FREM3: variants seen among roughly 807,000 people sequenced by gnomAD.
The protein encoded by FREM3 is FRAS1 related extracellular matrix 3.
A neutral mutation model predicts 129.1 loss-of-function variants in FREM3; 105 were observed. The observed-to-expected ratio is 0.81, with a 90% CI of 0.69 to 0.96. The LOEUF (loss-of-function observed/expected upper bound fraction) is 0.96. Among genes scored for constraint, FREM3 ranks in the 40% least tolerant of loss-of-function variants. The pLI is 0.00. For synonymous variants in FREM3, 1,014 were observed against 1,044.9 expected (o/e 0.97, Z 0.57); for missense variants, 2,593 against 2,666.3 (o/e 0.97, Z 0.61).
At chr4:143,581,881 C>T (rs1738154225) in intron 7 of FREM3, among the ~76,000 whole-genome samples, 1 of 151,966 alleles carries the variant, frequency 6.6e-6, no homozygotes, top group African/African-American at 2.4e-5. Context: ...TGGTACTGCC[C>T]TTGCTGCCCC....
In FREM3 at chr4:143,699,865, G is replaced by A; in HGVS notation, c.811C>T (p.Leu271=). The A allele has an allele frequency of 6.5e-7, 1 of 1,536,742 alleles. No individual in the cohort carries two copies. The highest frequency in any genetic ancestry group is 8.7e-7 in the Non-Finnish European group (1 of 1,146,886). ...GCGTCTTGGCCCTCAGGCCCCAGCA[G>A]CTCCACCATCATGGGCACGTAGTCA... is the stretch of plus-strand genomic sequence containing the variant. The part of the protein sequence containing the change: ...NRDYVPMMVE[L]LGPEGQDAGS... The change falls in exon 1 of 8, where the codon CTG becomes TTG. Residue 271 remains leucine, a synonymous_variant. Transcript: ENST00000329798. This position sits in a 1 kb window ranked among gnomAD's most constrained non-coding sequence, Gnocchi z 4.2.
At chr4:143,591,259 A>G (rs1439354030) in intron 6 of FREM3, among the ~76,000 whole-genome samples, 1 of 151,868 alleles carries the variant, frequency 6.6e-6, no homozygotes, top group African/African-American at 2.4e-5. Context: ...CTCTTATCTT[A>G]GTTATTTCTT....
At chr4:143,633,632 A>G (rs1578843676) in intron 2 of FREM3, among the ~76,000 whole-genome samples, 1 of 152,218 alleles carries the variant, frequency 6.6e-6, no homozygotes, top group Non-Finnish European at 1.5e-5. Context: ...CACTCAAGAC[A>G]CTGGGTACAT....
chr4:143,638,089 C>T lies in FREM3; in HGVS notation c.5276-10329G>A, dbSNP rs185651166. The stretch of plus-strand genomic sequence containing the variant: ...TGCTATGTATAACAATACAAGTTTT[C>T]GTGCCCTTTTTCTCCTTCTTAAATT... On this transcript the variant is annotated intron_variant, in intron 2 of 7. Transcript: ENST00000329798. 3.1e-3 allele frequency among the ~76,000 whole-genome samples: 475 copies of T among 152,220 alleles called. 2 individuals carry two copies. Among genetic ancestry groups the T allele is most frequent in the Non-Finnish European group, 4.8e-3 (328 of 68,012 alleles).
At chr4:143,652,178 C>G (rs1179370909) in intron 2 of FREM3, among the ~76,000 whole-genome samples, 1 of 22,010 alleles carries the variant, frequency 4.5e-5, no homozygotes, top group African/African-American at 1.1e-4. Flanking sequence ...TTTTTTGAGA[C>G]GGAGTCTCGC....
chr4:143,623,227 T>C (rs1321406022), intron 4 of FREM3, among the ~76,000 whole-genome samples: 1 of 152,198 alleles, frequency 6.6e-6, no homozygotes, highest in African/African-American at 2.4e-5. Flanking sequence ...ACATGAATTA[T>C]GATGCCTCAA....
At position 143,696,018 on chromosome 4, in the gene FREM3, T is replaced by C; in HGVS notation, c.4658A>G (p.Gln1553Arg). ...TGTCAACTCAAGGAGAGTGATCAGT[T>C]GGCTATCCTCTTTCTGTAGTGTTAG... is the stretch of plus-strand genomic sequence containing the variant. ...HRLTLQKEDS[Q>R]LITLLELTVE... Residue 1553 changes from glutamine to arginine, a missense_variant, in exon 1 of 8, where the codon CAA becomes CGA. By Grantham distance (43) the Gln-to-Arg change is conservative. Around this residue, in one of 2 missense-constraint regions of FREM3, gnomAD observed 2,276 missense variants for 2,267.2 expected, o/e 1.00. Transcript: ENST00000329798. 6.5e-7 allele frequency: 1 copy of C among 1,537,896 alleles called. No individual in the cohort carries two copies. The highest frequency in any genetic ancestry group is 2.4e-5 in the East Asian group (1 of 40,920).
intron 2 of FREM3, among the ~76,000 whole-genome samples, chr4:143,676,693 G>T (rs1344628277): frequency 6.6e-6 from 1 of 152,160 alleles, no homozygotes; most frequent in African/African-American, 2.4e-5. Context: ...CTTCAGCAAA[G>T]TCTCAGGATA....
chr4:143,651,879 GTACTT>G (rs1330151738), intron 2 of FREM3, among the ~76,000 whole-genome samples: 1 of 152,152 alleles, frequency 6.6e-6, no homozygotes, highest in Admixed American at 6.5e-5. Context: ...ATGGAATAGT[GTACTT>G]TAATTCAGCA....
chr4:143,617,203 T>G (rs1164965361), intron 5 of FREM3, among the ~76,000 whole-genome samples: 1 of 152,198 alleles, frequency 6.6e-6, no homozygotes, highest in African/African-American at 2.4e-5. Flanking sequence ...CATTTCATTA[T>G]AGAGCAAGAG....
chr4:143,620,204 G>A (rs537281418), intron 5 of FREM3, among the ~76,000 whole-genome samples: 3 of 152,132 alleles, frequency 2.0e-5, no homozygotes, highest in African/African-American at 7.2e-5. Context: ...CATATAGGAT[G>A]CCTGCTTCTA....
Position 143,627,665 on chromosome 4 carries a change from A to C in FREM3, c.5371T>G (p.Leu1791Val), listed in dbSNP as rs1739064977. The C allele has an allele frequency of 1.3e-6, 2 of 1,535,464 alleles. No homozygotes were observed. Among genetic ancestry groups the C allele is most frequent in the Non-Finnish European group, 1.7e-6 (2 of 1,145,504 alleles). ...CCTCTGCGTGTAAGGGTCACTTCTA[A>C]GAATGTGGAATCTTCATCCACAATG... is the stretch of plus-strand genomic sequence containing the variant. ...YYIVDEDSTFLEVTLTRRGYL... is the reference protein window; with the variant it reads ...YYIVDEDSTFVEVTLTRRGYL... Residue 1791 changes from leucine to valine, a missense_variant, in exon 3 of 8, where the codon TTA (leucine) becomes GTA (valine). By Grantham distance (32) the Leu-to-Val change is conservative (BLOSUM62 1). Coordinates refer to ENST00000329798, the MANE Select transcript of FREM3 (RefSeq NM_001168235.2).
At chr4:143,675,223 A>C (rs1209197352) in intron 2 of FREM3, among the ~76,000 whole-genome samples, 3 of 152,238 alleles carry the variant, frequency 2.0e-5, no homozygotes, top group Non-Finnish European at 1.5e-5. Context: ...ACTAGAACTC[A>C]GGATTAAGAA....
At chr4:143,583,465 T>C (rs4834990) in intron 7 of FREM3, among the ~76,000 whole-genome samples, 150,362 of 152,204 alleles carry the variant, frequency 0.99, 74,293 homozygotes, top group Middle Eastern at 1. Context: ...GAGAACCCTT[T>C]AAGATACTGT....
chr4:143,654,792 A>T (rs1337039577), intron 2 of FREM3, among the ~76,000 whole-genome samples: 1 of 150,964 alleles, frequency 6.6e-6, no homozygotes, highest in Non-Finnish European at 1.5e-5. Context: ...GGGAAGACTC[A>T]TCTTTCCTGA....
rs779628914 is a variant in FREM3 at position 143,577,743 on chromosome 4, T to C, written c.6288A>G (p.Glu2096=). Residue 2096 remains glutamate, a synonymous_variant, in exon 8 of 8, where the codon GAA becomes GAG. Coordinates refer to ENST00000329798, the MANE Select transcript of FREM3 (RefSeq NM_001168235.2). ...ILDDLGQPTL[E]GPEKFELLLQ... The stretch of plus-strand genomic sequence containing the variant: ...GAAGTAATTCAAACTTCTCTGGGCC[T>C]TCCAAGGTAGGCTGTCCCAGGTCAT... 19 of 1,537,336 alleles carry C rather than the reference T, an allele frequency of 1.2e-5. No individual in the cohort carries two copies. The highest frequency in any genetic ancestry group is 1.7e-5 in the Non-Finnish European group (19 of 1,146,928).
chr4:143,698,803 C>T lies in FREM3; in HGVS notation c.1873G>A (p.Glu625Lys). Residue 625 changes from glutamate (E) to lysine (K), a missense_variant, in exon 1 of 8, where the codon GAA (glutamate) becomes AAA (lysine). Physicochemically the swap from Glu to Lys is moderately conservative, Grantham distance 56. This residue lies in a region of FREM3 where 2,276 missense variants were observed against 2,267.2 expected (regional missense o/e 1.00). Coordinates refer to ENST00000329798, the MANE Select transcript of FREM3 (RefSeq NM_001168235.2). ...TCCATGTAGTGCCAGTCTTCATCTT[C>T]AGTTGAGAGAGGTAGTTCAGCCTGC... ...LQQAELPLST[E>K]DEDWHYMEKE... 1.3e-6 allele frequency: 2 copies of T among 1,537,706 alleles called. No homozygotes were observed. Among genetic ancestry groups the T allele is most frequent in the Non-Finnish European group, 1.7e-6 (2 of 1,147,020 alleles).
At chr4:143,633,868 A>G (rs1238949672) in intron 2 of FREM3, among the ~76,000 whole-genome samples, 1 of 152,166 alleles carries the variant, frequency 6.6e-6, no homozygotes, top group East Asian at 1.9e-4. Flanking sequence ...CAGAGAGGAT[A>G]TTGACAGGCT....
chr4:143,582,781 T>C (rs1738169815), intron 7 of FREM3, among the ~76,000 whole-genome samples: 1 of 152,092 alleles, frequency 6.6e-6, no homozygotes, highest in Non-Finnish European at 1.5e-5. Flanking sequence ...AATAAAATGA[T>C]ATAATAACTG....
Sources: allele counts gnomAD v4.1 joint callset (sites outside exome capture counted in the v4.1 genomes callset), GRCh38; gene constraint gnomAD v4.1.1; regional missense constraint gnomAD v4.1.1; non-coding constraint Gnocchi (gnomAD v3.1); transcripts MANE v1.5; gene names NCBI Gene and HGNC (gene_info 2026-07-23, HGNC 2026-07-21).